The following DPY19L3 variants were observed in gnomAD, a reference collection of about 807,000 sequenced individuals.
The protein encoded by DPY19L3 is protein C-mannosyl-transferase DPY19L3.
In DPY19L3, 51 loss-of-function variants were observed where a neutral mutation model predicts 92.3. The observed-to-expected ratio is 0.55, with a 90% CI of 0.44 to 0.70. The LOEUF (loss-of-function observed/expected upper bound fraction) is 0.70. Among genes scored for constraint, DPY19L3 ranks in the 30% least tolerant of loss-of-function variants. The pLI, the probability that DPY19L3 is intolerant of heterozygous loss-of-function variation, is 0.00. For missense variants in DPY19L3, 706 were observed against 855.9 expected (o/e 0.82, Z 2.18); for synonymous variants, 309 against 315.2 (o/e 0.98, Z 0.21).
intron 10 of DPY19L3, among the ~76,000 whole-genome samples, chr19:32,456,679 C>G (rs1178734910): frequency 6.6e-6 from 1 of 152,052 alleles, no homozygotes; most frequent in Non-Finnish European, 1.5e-5. Context: ...AGGTATGCTC[C>G]CACTTCAGCC....
Position 32,415,216 on chromosome 19 carries a change from A to G in DPY19L3, c.237+3844A>G, listed in dbSNP as rs146912314. Among the ~76,000 whole-genome samples the G allele has an allele frequency of 3.1e-3, 479 of 152,314 alleles. 6 individuals are homozygous for G. The highest frequency in any genetic ancestry group is 0.011 in the African/African-American group (438 of 41,576). The stretch of plus-strand genomic sequence containing the variant: ...CAACTCGGTGCTAGGATGGGGTGAG[A>G]TAGAGAGCACTGTGGGAGCACATAG... On this transcript the variant is annotated intron_variant, in intron 3 of 18. Coordinates refer to ENST00000392250, the MANE Select transcript of DPY19L3 (RefSeq NM_001172774.2).
At chr19:32,470,740 C>T (rs1055541238) in intron 16 of DPY19L3, among the ~76,000 whole-genome samples, 3 of 146,962 alleles carry the variant, frequency 2.0e-5, no homozygotes, top group Admixed American at 2.0e-4. Flanking sequence ...GCTAACAGCT[C>T]GTCTCCCTGT....
In DPY19L3 at chr19:32,453,285, T is replaced by C. The variant is rs555694876; in HGVS notation, c.987+9T>C. The C allele has an allele frequency of 6.3e-7, 1 of 1,592,242 alleles. No homozygotes were observed. The stretch of plus-strand genomic sequence containing the variant: ...TTGCAAGAAAACTTCAGGTAGGACT[T>C]TTTTTTTGTCCTTTATCAAAGTAAA... On this transcript the variant is annotated intron_variant, in intron 9 of 18. Transcript: ENST00000392250.
chr19:32,428,681 T>C (rs1368701512), intron 3 of DPY19L3, among the ~76,000 whole-genome samples: 1 of 152,244 alleles, frequency 6.6e-6, no homozygotes, highest in African/African-American at 2.4e-5. Flanking sequence ...CAAAGGACTC[T>C]AGCCTTTTGG....
At chr19:32,407,228 C>A (rs1371693407) in intron 1 of DPY19L3, among the ~76,000 whole-genome samples, 1 of 151,192 alleles carries the variant, frequency 6.6e-6, no homozygotes, top group Non-Finnish European at 1.5e-5. Flanking sequence ...ACCACTCCCC[C>A]GCCTCCCACT....
At chr19:32,459,520 C>G (rs1210326040) in intron 12 of DPY19L3, among the ~76,000 whole-genome samples, 4 of 152,138 alleles carry the variant, frequency 2.6e-5, no homozygotes, top group African/African-American at 7.2e-5. Flanking sequence ...TTTTACTATC[C>G]TTGAGAAGTG....
At chr19:32,429,952 T>TA (rs1458966319) in intron 3 of DPY19L3, among the ~76,000 whole-genome samples, 1 of 152,100 alleles carries the variant, frequency 6.6e-6, no homozygotes, top group East Asian at 1.9e-4. Flanking sequence ...TTCTCAAAGA[T>TA]AAAAAATGAG....
At chr19:32,411,835 G>A (rs904687676) in intron 3 of DPY19L3, 1 of 159,104 alleles carries the variant, frequency 6.3e-6, no homozygotes, top group African/African-American at 2.4e-5. Context: ...CAAAGTGCTG[G>A]GATTACAGGC....
chr19:32,428,320 A>C (rs777980522), intron 3 of DPY19L3, among the ~76,000 whole-genome samples: 1 of 151,624 alleles, frequency 6.6e-6, no homozygotes, highest in Non-Finnish European at 1.5e-5. Flanking sequence ...TTTAAACATG[A>C]GTTGTTTTGT....
intron 3 of DPY19L3, among the ~76,000 whole-genome samples, chr19:32,414,376 G>A (rs574493285): frequency 2.0e-5 from 3 of 150,184 alleles, no homozygotes; most frequent in African/African-American, 4.9e-5. Context: ...AGCCGTGATC[G>A]CACCACTGCA....
intron 15 of DPY19L3, chr19:32,467,697 A>C (rs1056220765): frequency 2.0e-6 from 2 of 987,450 alleles, no homozygotes; most frequent in African/African-American, 1.7e-5. Context: ...GAGCATACAT[A>C]CATTGTCATT....
chr19:32,443,402 A>G (rs1224477919), intron 8 of DPY19L3, among the ~76,000 whole-genome samples: 15 of 152,246 alleles, frequency 9.9e-5, no homozygotes, highest in Middle Eastern at 3.4e-3. Context: ...CAAATCCCCA[A>G]GGTGATTGTA....
chr19:32,432,862 G>A (rs1402380377), intron 4 of DPY19L3, 56 bp downstream of exon 4: 4 of 1,511,020 alleles, frequency 2.6e-6, no homozygotes, highest in South Asian at 1.1e-5. Context: ...CAATATTTTA[G>A]TGAGAAGTAC....
intron 3 of DPY19L3, among the ~76,000 whole-genome samples, chr19:32,427,200 G>C (rs1414346135): frequency 6.6e-6 from 1 of 152,126 alleles, no homozygotes; most frequent in South Asian, 2.1e-4. Context: ...TTGCCATGTT[G>C]CCTAGGCTGG....
chr19:32,441,494 C>CTTTTTTTTTTTT (rs11326098), intron 8 of DPY19L3, among the ~76,000 whole-genome samples: 7 of 130,212 alleles, frequency 5.4e-5, no homozygotes, highest in Non-Finnish European at 6.4e-5. Flanking sequence ...ACATGTGTCT[C>CTTTTTTTTTTTT]TTTTTTTTTT....
intron 12 of DPY19L3, among the ~76,000 whole-genome samples, chr19:32,459,881 G>C (rs886508209): frequency 1.3e-5 from 2 of 152,186 alleles, no homozygotes; most frequent in African/African-American, 4.8e-5. Context: ...TAACAAGGGG[G>C]ATATGTTCTG....
intron 3 of DPY19L3, chr19:32,411,787 CG>C (rs1397528329): frequency 5.7e-6 from 1 of 176,240 alleles, no homozygotes; most frequent in Non-Finnish European, 1.2e-5. Flanking sequence ...AGGCTGATCT[CG>C]AACTCCTGAC....
At chr19:32,450,216 A>C (rs1969654896) in intron 8 of DPY19L3, among the ~76,000 whole-genome samples, 1 of 152,330 alleles carries the variant, frequency 6.6e-6, no homozygotes, top group African/African-American at 2.4e-5. Context: ...GGATGGCTAA[A>C]ATTAAAAAAC....
intron 3 of DPY19L3, chr19:32,412,654 T>A (rs1359773479): frequency 6.6e-6 from 1 of 152,048 alleles, no homozygotes; most frequent in African/African-American, 2.4e-5. Flanking sequence ...TCAGGAGGGT[T>A]AGCCGGGCGT....
Sources: gnomAD v4.1 joint callset for allele counts (sites outside exome capture counted in the v4.1 genomes callset) on GRCh38, gnomAD v4.1.1 for gene constraint, MANE v1.5 for transcripts, NCBI Gene and HGNC (gene_info 2026-07-23, HGNC 2026-07-21) for gene names.